Variants in HINT1 observed in about 807,000 individuals in gnomAD.
The protein encoded by HINT1 is histidine triad nucleotide binding protein 1.
In HINT1, 12 loss-of-function variants were observed where a neutral mutation model predicts 11.2. The observed-to-expected ratio is 1.07, with a 90% CI of 0.69 to 1.74. The LOEUF is 1.74. HINT1 is among the 40% of genes most tolerant of loss of function. The pLI is 0.00. For missense variants in HINT1, 150 were observed against 161.8 expected (o/e 0.93, Z 0.40); for synonymous variants, 42 against 52.6 (o/e 0.80, Z 0.87).
intron 2 of HINT1, chr5:131,162,066 G>A (rs754710085): frequency 6.8e-5 from 17 of 251,774 alleles, no homozygotes; most frequent in African/African-American, 9.0e-5. Flanking sequence ...TGGCTCACGC[G>A]TGTAATCCCA....
At chr5:131,165,058 A>T (rs2278060) in intron 1 of HINT1, 37 bp downstream of exon 1, 7 of 1,611,970 alleles carry the variant, frequency 4.3e-6, no homozygotes, top group Non-Finnish European at 5.9e-6. Context: ...GACGATACCC[A>T]CCTCAGCAGG....
intron 2 of HINT1, chr5:131,162,264 A>G: frequency 3.3e-6 from 2 of 609,828 alleles, no homozygotes; most frequent in East Asian, 5.5e-5. Context: ...TGGAGCTTGC[A>G]GTGAGCCGAG....
At chr5:131,162,470 G>C in intron 2 of HINT1, 102 bp downstream of exon 2, 1 of 1,561,594 alleles carries the variant, frequency 6.4e-7, no homozygotes, top group South Asian at 1.2e-5. Flanking sequence ...TTTTTCCTTA[G>C]TAATGACCTT....
At chr5:131,161,025 G>C (rs73258126) in intron 2 of HINT1, 22,656 of 293,764 alleles carry the variant, frequency 0.077, 2,911 homozygotes, top group African/African-American at 0.34. Flanking sequence ...CAGCATGTAA[G>C]CCCATCTTAA....
intron 1 of HINT1, among the ~76,000 whole-genome samples, chr5:131,163,927 C>G (rs1218388366): frequency 6.6e-6 from 1 of 152,206 alleles, no homozygotes; most frequent in East Asian, 1.9e-4. Flanking sequence ...TGCCGTTCTA[C>G]AGTTGGACTT....
intron 2 of HINT1, chr5:131,160,672 G>A: frequency 8.3e-7 from 1 of 1,203,060 alleles, no homozygotes; most frequent in Non-Finnish European, 1.1e-6. Context: ...CATGCAGTAA[G>A]GTCCATTGTA....
chr5:131,164,932 G>T, intron 1 of HINT1, 163 bp downstream of exon 1: 2 of 1,014,584 alleles, frequency 2.0e-6, no homozygotes, highest in Non-Finnish European at 2.8e-6. Context: ...GCCTCGGAGT[G>T]CCCGGGCCCT....
At chr5:131,164,547 G>A (rs1023594968) in intron 1 of HINT1, among the ~76,000 whole-genome samples, 1 of 152,224 alleles carries the variant, frequency 6.6e-6, no homozygotes, top group Non-Finnish European at 1.5e-5. Context: ...ACCCCGCGGA[G>A]GAAGCCGGCA....
intron 2 of HINT1, among the ~76,000 whole-genome samples, chr5:131,161,196 T>G (rs1309243617): frequency 6.6e-6 from 1 of 152,222 alleles, no homozygotes; most frequent in Non-Finnish European, 1.5e-5. Flanking sequence ...TAATTTAGAA[T>G]GTTAACTGAG....
intron 1 of HINT1, among the ~76,000 whole-genome samples, chr5:131,164,611 C>A (rs1446201476): frequency 6.6e-6 from 1 of 152,184 alleles, no homozygotes; most frequent in Non-Finnish European, 1.5e-5. Flanking sequence ...GAGCACAATG[C>A]CTTGCTGAGC....
chr5:131,162,467 T>C, intron 2 of HINT1, 105 bp downstream of exon 2: 2 of 1,558,150 alleles, frequency 1.3e-6, no homozygotes, highest in Non-Finnish European at 1.7e-6. Context: ...TGGTTTTTCC[T>C]TAGTAATGAC....
At chr5:131,159,914 C>T (rs1230340255) in intron 2 of HINT1, among the ~76,000 whole-genome samples, 2 of 152,064 alleles carry the variant, frequency 1.3e-5, no homozygotes, top group African/African-American at 4.8e-5. Flanking sequence ...TGCAGTGGCA[C>T]GATCTCAGCT....
intron 1 of HINT1, among the ~76,000 whole-genome samples, chr5:131,162,955 G>A (rs1214512528): frequency 3.3e-5 from 5 of 151,764 alleles, no homozygotes; most frequent in Non-Finnish European, 4.4e-5. Flanking sequence ...CTCTTGCCTC[G>A]GCCTCCCAAG....
At chr5:131,161,946 C>A (rs1269702360) in intron 2 of HINT1, among the ~76,000 whole-genome samples, 1 of 152,136 alleles carries the variant, frequency 6.6e-6, no homozygotes, top group Non-Finnish European at 1.5e-5. Context: ...GGATGAAGAC[C>A]TTTATGATTC....
chr5:131,164,938 G>T, intron 1 of HINT1, 157 bp downstream of exon 1: 1 of 1,077,178 alleles, frequency 9.3e-7, no homozygotes, highest in Non-Finnish European at 1.3e-6. Context: ...GAGTGCCCGG[G>T]CCCTGTCCGC....
intron 1 of HINT1, 124 bp downstream of exon 1, chr5:131,164,971 G>A (rs1423432199): frequency 1.4e-6 from 2 of 1,412,272 alleles, no homozygotes; most frequent in Non-Finnish European, 1.9e-6. Context: ...CGCTGGACCA[G>A]GGCAGCCAGG....
At position 131,165,131 on chromosome 5, in the gene HINT1, C is replaced by T. The variant is rs1355406295; in HGVS notation, c.75G>A (p.Lys25=). Residue 25 remains lysine, a synonymous_variant, in exon 1 of 3, where the codon AAG becomes AAA. Transcript: ENST00000304043. ...GDTIFGKIIR[K]EIPAKIIFED... is the part of the protein sequence containing the mutation. The stretch of plus-strand genomic sequence containing the variant: ...CAAAAATGATTTTGGCTGGTATTTC[C>T]TTGCGGATGATCTTCCCAAAGATCG... The T allele has an allele frequency of 1.2e-6, 2 of 1,613,330 alleles. No individual in the cohort carries two copies. The highest frequency in any genetic ancestry group is 2.2e-5 in the East Asian group (1 of 44,878).
intron 2 of HINT1, chr5:131,162,351 G>T (rs1339496859): frequency 2.0e-4 from 163 of 797,130 alleles, no homozygotes; most frequent in Non-Finnish European, 3.1e-4. Context: ...AGCAAGTGTT[G>T]ATAAGGATAC....
rs779545559 is a variant in HINT1 at position 131,162,721 on chromosome 5, T to C, written c.112-45A>G. ...ATAAATAAATCAAACTTTTAGTATA[T>C]TGGTAGGATAAAACTTATTTCAACA... On this transcript the variant is annotated intron_variant, in intron 1 of 2. Transcript: ENST00000304043. 7.7e-7 allele frequency: 1 copy of C among 1,293,360 alleles called. No homozygotes were observed. Among genetic ancestry groups the C allele is most frequent in the East Asian group, 2.4e-5 (1 of 42,438 alleles). 80.1% of individuals were successfully genotyped at this position (1,293,360 alleles called of 1,614,324 possible). A position where few individuals can be genotyped will look rare whatever the true frequency, so the allele number is the denominator to read the frequency against.
Sources: allele counts gnomAD v4.1 joint callset (sites outside exome capture counted in the v4.1 genomes callset), GRCh38; gene constraint gnomAD v4.1.1; transcripts MANE v1.5; gene names NCBI Gene and HGNC (gene_info 2026-07-23, HGNC 2026-07-21).